Variants in KDM4C observed in about 807,000 individuals in gnomAD.
KDM4C encodes lysine-specific demethylase 4C.
In KDM4C, 81 loss-of-function variants were observed where a neutral mutation model predicts 129.3. The ratio of observed to expected loss-of-function variants is 0.63; its 90% confidence interval spans 0.52 to 0.75. KDM4C has a LOEUF of 0.75. Among genes scored for constraint, KDM4C ranks in the 30% least tolerant of loss-of-function variants. The pLI is 0.00. For synonymous variants in KDM4C, 573 were observed against 456.1 expected, an observed-to-expected ratio of 1.26 and a Z score of -3.26; for missense variants, 1,457 against 1,304.0, an observed-to-expected ratio of 1.12 and a Z score of -1.81.
At chr9:6,757,210 G>C (rs983144048), upstream of KDM4C, among the ~76,000 whole-genome samples, 1 of 152,138 alleles carries the variant, frequency 6.6e-6, no homozygotes, top group African/African-American at 2.4e-5. Context: ...GACGCTGGAG[G>C]CACCTGCATT....
intron 8 of KDM4C, among the ~76,000 whole-genome samples, chr9:6,919,569 A>G (rs1041445939): frequency 3.3e-5 from 5 of 150,094 alleles, no homozygotes; most frequent in African/African-American, 9.9e-5. Context: ...CTATCTATCT[A>G]TCTATCTATC....
intron 3 of KDM4C, 27 bp downstream of exon 3, chr9:6,805,801 G>T: frequency 6.3e-7 from 1 of 1,585,052 alleles, no homozygotes; most frequent in Non-Finnish European, 8.6e-7. Context: ...TGCTATTTCT[G>T]TTTCCTTCAA....
At chr9:6,921,561 C>T (rs555424750) in intron 8 of KDM4C, among the ~76,000 whole-genome samples, 9 of 152,326 alleles carry the variant, frequency 5.9e-5, no homozygotes, top group East Asian at 1.9e-4. Context: ...TTACTCTGGT[C>T]CAACCACTAT....
intron 4 of KDM4C, among the ~76,000 whole-genome samples, chr9:6,843,663 C>G (rs1283480261): frequency 6.6e-6 from 1 of 152,178 alleles, no homozygotes; most frequent in African/African-American, 2.4e-5. Context: ...GTGGAGCCAG[C>G]ATTTGGTTGG....
At chr9:7,111,547 G>A (rs997920516) in intron 18 of KDM4C, among the ~76,000 whole-genome samples, 7 of 152,136 alleles carry the variant, frequency 4.6e-5, no homozygotes, top group Non-Finnish European at 1.0e-4. Flanking sequence ...CAGGTAGTAG[G>A]TGGAAGAGCC....
At position 6,864,296 on chromosome 9, in the gene KDM4C, C is replaced by T. The variant is rs556208471; in HGVS notation, c.629+14596C>T. 4.6e-5 allele frequency among the ~76,000 whole-genome samples: 7 copies of T among 152,292 alleles called. No individual in the cohort carries two copies. The South Asian group carries it at 1.2e-3, about 27-fold the overall frequency. On this transcript the variant is annotated intron_variant, in intron 5 of 21. Transcript: ENST00000381309. ...TTCAGTATTCTTGGATGACAATCCC[C>T]ATTTTTCAGCACTTTGAAAATGCCA...
At chr9:6,760,891 C>T (rs1360808873) in intron 1 of KDM4C, among the ~76,000 whole-genome samples, 1 of 151,470 alleles carries the variant, frequency 6.6e-6, no homozygotes, top group Non-Finnish European at 1.5e-5. Context: ...TCTTTCAAGC[C>T]TTGAAGGGGC....
At chr9:6,872,807 A>C (rs1449057548) in intron 5 of KDM4C, among the ~76,000 whole-genome samples, 1 of 152,168 alleles carries the variant, frequency 6.6e-6, no homozygotes, top group Non-Finnish European at 1.5e-5. Context: ...CAGGCAAAGT[A>C]GGTTTAGTAT....
chr9:6,835,294 A>G (rs1378569452), intron 4 of KDM4C: 6 of 912,276 alleles, frequency 6.6e-6, no homozygotes, highest in South Asian at 1.3e-5. Context: ...CTTGAACTCC[A>G]TTATGAAGTG....
chr9:6,942,296 TG>T (rs1271356584), intron 8 of KDM4C, among the ~76,000 whole-genome samples: 1 of 151,274 alleles, frequency 6.6e-6, no homozygotes, highest in African/African-American at 2.4e-5. Context: ...TGTGTGTGTG[TG>T]TGTGTGTGTG....
At chr9:6,928,230 C>G (rs1822996216) in intron 8 of KDM4C, among the ~76,000 whole-genome samples, 1 of 152,210 alleles carries the variant, frequency 6.6e-6, no homozygotes, top group South Asian at 2.1e-4. Context: ...TTTCTTCCAG[C>G]TTTCCAGCCG....
intron 17 of KDM4C, among the ~76,000 whole-genome samples, chr9:7,096,293 A>G (rs1460469212): frequency 2.0e-5 from 3 of 152,140 alleles, no homozygotes; most frequent in African/African-American, 7.2e-5. Flanking sequence ...TGCCTTTAAT[A>G]TTTAATTTCT....
intron 4 of KDM4C, among the ~76,000 whole-genome samples, chr9:6,822,591 A>G (rs917663337): frequency 6.6e-6 from 1 of 151,800 alleles, no homozygotes; most frequent in African/African-American, 2.4e-5. Flanking sequence ...TAAGATCTGG[A>G]TTTTTTTTTG....
intron 5 of KDM4C, among the ~76,000 whole-genome samples, chr9:6,856,764 T>G (rs867434458): frequency 6.8e-6 from 1 of 147,946 alleles, no homozygotes; most frequent in Non-Finnish European, 1.5e-5. Context: ...TTTTTTTTTT[T>G]TTTTGAGACG....
At chr9:6,912,161 C>G (rs564120181) in intron 8 of KDM4C, among the ~76,000 whole-genome samples, 1 of 152,260 alleles carries the variant, frequency 6.6e-6, no homozygotes, top group South Asian at 2.1e-4. Flanking sequence ...TTCTGGCCAG[C>G]CTTATTTCCT....
intron 1 of KDM4C, among the ~76,000 whole-genome samples, chr9:6,773,159 C>T (rs1822246765): frequency 6.6e-6 from 1 of 151,916 alleles, no homozygotes; most frequent in African/African-American, 2.4e-5. Flanking sequence ...ACTACTACAC[C>T]TGGCTAATTT....
intron 1 of KDM4C, among the ~76,000 whole-genome samples, chr9:6,790,022 C>G (rs549413568): frequency 6.8e-6 from 1 of 147,180 alleles, no homozygotes; most frequent in South Asian, 2.4e-4. Context: ...GCCTGTAATC[C>G]CAGCACTTTG....
At chr9:6,810,651 T>TGGGAG (rs1484771614) in intron 3 of KDM4C, among the ~76,000 whole-genome samples, 1 of 152,072 alleles carries the variant, frequency 6.6e-6, no homozygotes, top group Admixed American at 6.5e-5. Context: ...GTTGGAGAAT[T>TGGGAG]GCTTGAGCCA....
chr9:6,983,673 A>G (rs1407086263), intron 9 of KDM4C, among the ~76,000 whole-genome samples: 1 of 151,830 alleles, frequency 6.6e-6, no homozygotes, highest in Non-Finnish European at 1.5e-5. Context: ...TTTAATTTGA[A>G]CTATTTTCAT....
Sources: allele counts gnomAD v4.1 joint callset (sites outside exome capture counted in the v4.1 genomes callset), GRCh38; gene constraint gnomAD v4.1.1; transcripts MANE v1.5; gene names NCBI Gene and HGNC (gene_info 2026-07-23, HGNC 2026-07-21).